The following EPHA6 variants were observed in gnomAD, a reference collection of about 807,000 sequenced individuals.
The protein encoded by EPHA6 is ephrin type-A receptor 6.
In EPHA6, 50 loss-of-function variants were observed where a neutral mutation model predicts 112.0. That is an observed-to-expected ratio of 0.45 (90% CI 0.36 to 0.56). The LOEUF (loss-of-function observed/expected upper bound fraction) is 0.56, where lower values mean the gene tolerates loss of function less well. Among genes scored for constraint, EPHA6 ranks in the 20% least tolerant of loss-of-function variants. The probability of loss-of-function intolerance (pLI) is 0.00; values close to 1 mark genes in which losing one functional copy is unlikely to be tolerated. For synonymous variants in EPHA6, 529 were observed against 490.7 expected (o/e 1.08, Z -1.03); for missense variants, 1,280 against 1,417.4 (o/e 0.90, Z 1.56).
chr3:97,208,750 TAA>T lies in EPHA6; in HGVS notation c.1115-17503_1115-17502del, dbSNP rs539682728. Among the ~76,000 whole-genome samples, 815 of 145,208 alleles carry T rather than the reference TAA, an allele frequency of 5.6e-3. 15 individuals carry two copies. Among genetic ancestry groups the T allele is most frequent in the African/African-American group, 0.019 (772 of 40,084 alleles). On this transcript the variant is annotated intron_variant, in intron 3 of 17. Transcript: ENST00000389672. ...TGACAGAGCAAGACTCTGTCTCAAT[TAA>T]AAAAAAAAAATGGAAGGCTACATAT...
chr3:97,564,083 A>C (rs920251884), intron 11 of EPHA6, among the ~76,000 whole-genome samples: 4 of 152,132 alleles, frequency 2.6e-5, no homozygotes, highest in Non-Finnish European at 4.4e-5. Flanking sequence ...GAATATGAAA[A>C]GCGTTAAGTT....
chr3:97,491,133 A>G (rs1193958387), intron 10 of EPHA6, among the ~76,000 whole-genome samples: 1 of 152,192 alleles, frequency 6.6e-6, no homozygotes, highest in Non-Finnish European at 1.5e-5. Flanking sequence ...TGCACATTCT[A>G]TTGACCATAA....
At chr3:96,999,456 C>T (rs2043548451) in intron 3 of EPHA6, among the ~76,000 whole-genome samples, 1 of 151,882 alleles carries the variant, frequency 6.6e-6, no homozygotes, top group African/African-American at 2.4e-5. Context: ...TTAGAGCAGA[C>T]TTATGTCCTT....
chr3:97,648,529 A>G (rs768574350), intron 14 of EPHA6: 1 of 1,271,248 alleles, frequency 7.9e-7, no homozygotes, highest in Non-Finnish European at 9.9e-7. Context: ...TAAGCCTTGA[A>G]CATGTCCAAC....
chr3:97,566,900 T>G (rs1336921759), intron 11 of EPHA6, among the ~76,000 whole-genome samples: 1 of 152,172 alleles, frequency 6.6e-6, no homozygotes, highest in African/African-American at 2.4e-5. Context: ...GAATTGAACC[T>G]TATTGGCCTG....
intron 1 of EPHA6, among the ~76,000 whole-genome samples, chr3:96,839,278 C>G (rs2034594339): frequency 6.6e-6 from 1 of 151,824 alleles, no homozygotes; most frequent in Non-Finnish European, 1.5e-5. Flanking sequence ...CCCGTTAGAT[C>G]AGTGGTGGCA....
At chr3:97,307,046 A>T (rs2108740904) in intron 5 of EPHA6, among the ~76,000 whole-genome samples, 1 of 151,964 alleles carries the variant, frequency 6.6e-6, no homozygotes, top group Non-Finnish European at 1.5e-5. Flanking sequence ...GCTATGAAGT[A>T]TTTGTTATAA....
intron 7 of EPHA6, among the ~76,000 whole-genome samples, chr3:97,457,402 T>A (rs1307749900): frequency 6.6e-6 from 1 of 152,126 alleles, no homozygotes; most frequent in Non-Finnish European, 1.5e-5. Context: ...TAATTTTATG[T>A]CCTGGTCAAA....
chr3:97,750,166 GA>G lies in EPHA6; in HGVS notation c.*1472del, dbSNP rs544177982. On this transcript the variant is annotated 3_prime_UTR_variant, in exon 18 of 18. Coordinates refer to ENST00000389672, the MANE Select transcript of EPHA6 (RefSeq NM_001080448.3). ...AAAGAGTAAGTAAAATGTGTTGAGA[GA>G]AAAAAACAGAGTAGGTTGTCTAAAG... is the stretch of plus-strand genomic sequence containing the variant. 3.4e-3 allele frequency among the ~76,000 whole-genome samples: 511 copies of G among 151,934 alleles called. 2 individuals carry two copies. The highest frequency in any genetic ancestry group is 0.011 in the Admixed American group (172 of 15,254).
intron 2 of EPHA6, among the ~76,000 whole-genome samples, chr3:96,869,264 A>G (rs765142015): frequency 1.6e-4 from 25 of 152,090 alleles, no homozygotes; most frequent in Admixed American, 2.6e-4. Flanking sequence ...CACTAGGCCA[A>G]AGAATGTGTC....
At chr3:97,320,182 A>G (rs1018397510) in intron 5 of EPHA6, among the ~76,000 whole-genome samples, 1 of 152,054 alleles carries the variant, frequency 6.6e-6, no homozygotes, top group Non-Finnish European at 1.5e-5. Flanking sequence ...CAGAGAACAC[A>G]GAAATAGACA....
intron 1 of EPHA6, among the ~76,000 whole-genome samples, chr3:96,852,663 C>T (rs145850018): frequency 6.6e-6 from 1 of 151,056 alleles, no homozygotes; most frequent in African/African-American, 2.4e-5. Flanking sequence ...CAACCTGTTG[C>T]CCTCCACTCC....
Position 97,059,401 on chromosome 3 carries a change from C to T in EPHA6, c.1114+71408C>T, listed in dbSNP as rs966522726. On this transcript the variant is annotated intron_variant, in intron 3 of 17. Coordinates refer to ENST00000389672, the MANE Select transcript of EPHA6 (RefSeq NM_001080448.3). ...TCTCTTGGGGAAGATTATCATTTTA[C>T]GATTTGATAAGTGTAACACACATTG... is the stretch of plus-strand genomic sequence containing the variant. 4.6e-5 allele frequency among the ~76,000 whole-genome samples: 7 copies of T among 151,996 alleles called. No homozygotes were observed. In the South Asian group the frequency reaches 6.2e-4, roughly 14 times the overall value.
chr3:97,659,216 AG>A (rs1386324829), intron 14 of EPHA6, among the ~76,000 whole-genome samples: 2 of 151,980 alleles, frequency 1.3e-5, no homozygotes, highest in East Asian at 3.9e-4. Context: ...ACAAAATCCC[AG>A]TAAAAAGATC....
At chr3:96,986,310 A>G (rs1412003983) in intron 2 of EPHA6, among the ~76,000 whole-genome samples, 1 of 152,186 alleles carries the variant, frequency 6.6e-6, no homozygotes, top group African/African-American at 2.4e-5. Context: ...AGAAGTGAAA[A>G]TAATCCAGTG....
chr3:97,387,169 A>T (rs369351950), intron 5 of EPHA6, among the ~76,000 whole-genome samples: 4 of 152,364 alleles, frequency 2.6e-5, no homozygotes, highest in East Asian at 1.9e-4. Context: ...TGTCTTGACT[A>T]TTAACATTTG....
rs568987501 is a variant in EPHA6, at chr3:96,902,531, C to T, written c.450+35642C>T. ...ATATTTCAGCAACCCTTGAGTCACA[C>T]ACCTCCTGATGCTACAGGAACCTTG... On this transcript the variant is annotated intron_variant, in intron 2 of 17. Coordinates refer to ENST00000389672, the MANE Select transcript of EPHA6 (RefSeq NM_001080448.3). 1.1e-4 allele frequency among the ~76,000 whole-genome samples: 16 copies of T among 152,296 alleles called. No homozygotes were observed. In the East Asian group the frequency reaches 2.7e-3, roughly 26 times the overall value.
At chr3:97,011,170 A>T (rs952590688) in intron 3 of EPHA6, among the ~76,000 whole-genome samples, 5 of 152,196 alleles carry the variant, frequency 3.3e-5, no homozygotes, top group Admixed American at 3.3e-4. Flanking sequence ...TGAAAAATCC[A>T]TCTTAAATTC....
chr3:97,234,271 A>G (rs942542742), intron 4 of EPHA6, among the ~76,000 whole-genome samples: 5 of 151,996 alleles, frequency 3.3e-5, no homozygotes, highest in African/African-American at 1.2e-4. Flanking sequence ...TGTTTCTGCT[A>G]ACTCCTTCCT....
Sources: gnomAD v4.1 joint callset for allele counts (sites outside exome capture counted in the v4.1 genomes callset) on GRCh38, gnomAD v4.1.1 for gene constraint, MANE v1.5 for transcripts, NCBI Gene and HGNC (gene_info 2026-07-23, HGNC 2026-07-21) for gene names.